The following WHRN variants were observed in gnomAD, a reference collection of about 807,000 sequenced individuals.
The protein encoded by WHRN is whirlin, also known as CASK-interacting protein CIP98.
A neutral mutation model predicts 68.3 loss-of-function variants in WHRN; 41 were observed. The observed-to-expected ratio is 0.60, with a 90% CI of 0.47 to 0.78. The LOEUF is 0.78. Among genes scored for constraint, WHRN ranks in the 30% least tolerant of loss-of-function variants. The probability of loss-of-function intolerance (pLI) is 0.00; values close to 1 mark genes in which losing one functional copy is unlikely to be tolerated. For missense variants in WHRN, 1,243 were observed against 1,244.7 expected (o/e 1.00, Z 0.02); for synonymous variants, 560 against 561.3 (o/e 1.00, Z 0.03).
At chr9:114,493,881 G>T (rs927039858) in intron 1 of WHRN, among the ~76,000 whole-genome samples, 1 of 152,218 alleles carries the variant, frequency 6.6e-6, no homozygotes, top group Admixed American at 6.5e-5. Flanking sequence ...ACTCAGGGAG[G>T]AAACGCACAT....
intron 3 of WHRN, among the ~76,000 whole-genome samples, chr9:114,438,363 C>T (rs1407945286): frequency 1.3e-5 from 2 of 151,978 alleles, no homozygotes; most frequent in South Asian, 2.1e-4. Flanking sequence ...TTACAGTGAC[C>T]GTCAGCTATG....
chr9:114,472,295 A>G (rs1446399500), intron 2 of WHRN, among the ~76,000 whole-genome samples: 1 of 152,184 alleles, frequency 6.6e-6, no homozygotes, highest in Non-Finnish European at 1.5e-5. Flanking sequence ...GAAAGTCCCC[A>G]GACTCGGCCT....
In WHRN at chr9:114,478,689, T is replaced by C; in HGVS notation, c.701A>G (p.Tyr234Cys). 3.7e-6 allele frequency: 6 copies of C among 1,613,080 alleles called. No individual in the cohort carries two copies. The highest frequency in any genetic ancestry group is 2.2e-5 in the South Asian group (2 of 91,014). ...GCGGCCCTGCGGGTCCACCCAGGTG[T>C]AGATGTGGTTGGTGACGTAGCCCCC... is the stretch of plus-strand genomic sequence containing the variant. Reference protein sequence around the residue: ...IPGGYVTNHIYTWVDPQGRSI... With the variant: ...IPGGYVTNHICTWVDPQGRSI... Residue 234 changes from tyrosine (Y) to cysteine (C), a missense_variant, in exon 2 of 12, where the codon TAC becomes TGC. Coordinates refer to ENST00000362057, the MANE Select transcript of WHRN (RefSeq NM_015404.4).
intron 7 of WHRN, among the ~76,000 whole-genome samples, chr9:114,413,516 C>G (rs1835602010): frequency 6.6e-6 from 1 of 152,132 alleles, no homozygotes; most frequent in Non-Finnish European, 1.5e-5. Context: ...GGGACAAGAC[C>G]CTGGAAGTGT....
chr9:114,484,204 GGGCTGCCCCTCCGAGGCCAC>G (rs1842311980), intron 1 of WHRN, among the ~76,000 whole-genome samples: 1 of 152,194 alleles, frequency 6.6e-6, no homozygotes, highest in African/African-American at 2.4e-5. Context: ...GAAGGCCAGA[GGGCTGCCCCTCCGAGGCCAC>G]GGCTGTGTCC....
In WHRN at chr9:114,492,837, T is replaced by TAC. The variant is rs993723893; in HGVS notation, c.618+11345_618+11346dup. 7.3e-5 allele frequency among the ~76,000 whole-genome samples: 11 copies of TAC among 150,454 alleles called. No homozygotes were observed. In the South Asian group the frequency reaches 1.1e-3, roughly 14 times the overall value. Reference sequence around the variant, plus strand: ...CCCACGTCTACAAAAGAAAAAAAAATACACACACACACACAAATATATATA... The same window carrying TAC: ...CCCACGTCTACAAAAGAAAAAAAAATACACACACACACACACAAATATATATA... On this transcript the variant is annotated intron_variant, in intron 1 of 11. Coordinates refer to ENST00000362057, the MANE Select transcript of WHRN (RefSeq NM_015404.4).
intron 3 of WHRN, among the ~76,000 whole-genome samples, chr9:114,443,030 T>G (rs1295426577): frequency 6.6e-6 from 1 of 152,230 alleles, no homozygotes; most frequent in African/African-American, 2.4e-5. Flanking sequence ...TTTCCACTTC[T>G]GTGCTTCATA....
intron 1 of WHRN, among the ~76,000 whole-genome samples, chr9:114,485,929 G>A (rs1281775903): frequency 6.6e-6 from 1 of 152,128 alleles, no homozygotes; most frequent in Non-Finnish European, 1.5e-5. Flanking sequence ...TGGGAGGTTT[G>A]CTTGAGCCCA....
At chr9:114,467,295 G>A (rs1278221682) in intron 2 of WHRN, among the ~76,000 whole-genome samples, 1 of 152,070 alleles carries the variant, frequency 6.6e-6, no homozygotes, top group Non-Finnish European at 1.5e-5. Flanking sequence ...GCTGGGGCTT[G>A]GAGATGAGAC....
At chr9:114,502,971 G>C (rs1243817525) in intron 1 of WHRN, 4 of 204,130 alleles carry the variant, frequency 2.0e-5, no homozygotes, top group African/African-American at 9.4e-5. Context: ...AGTATAAACC[G>C]ATCGGCCTTT....
At chr9:114,501,019 T>C (rs974737984) in intron 1 of WHRN, among the ~76,000 whole-genome samples, 1 of 152,138 alleles carries the variant, frequency 6.6e-6, no homozygotes, top group Non-Finnish European at 1.5e-5. Flanking sequence ...GTGTAGCACA[T>C]ACCAAGCAAA....
In WHRN at chr9:114,402,688, G is replaced by T; in HGVS notation, c.*66C>A. On this transcript the variant is annotated 3_prime_UTR_variant, in exon 12 of 12. Coordinates refer to ENST00000362057, the MANE Select transcript of WHRN (RefSeq NM_015404.4). Reference sequence around the variant, plus strand: ...CCAACCCCGCAAGGAGCTTGATGAAGCCAACGGTGGAAAGGGACTGGGACC... The same window carrying T: ...CCAACCCCGCAAGGAGCTTGATGAATCCAACGGTGGAAAGGGACTGGGACC... 3 of 1,601,070 alleles carry T rather than the reference G, an allele frequency of 1.9e-6. No homozygotes were observed. The South Asian group carries it at 3.3e-5, about 18-fold the overall frequency.
intron 6 of WHRN, 35 bp downstream of exon 6, chr9:114,424,299 T>G (rs777208260): frequency 4.2e-5 from 68 of 1,610,204 alleles, no homozygotes; most frequent in Admixed American, 1.3e-4. Context: ...GCCCTGGAAA[T>G]GCTGAAGCCA....
intron 3 of WHRN, among the ~76,000 whole-genome samples, chr9:114,453,645 T>C (rs1011953887): frequency 6.6e-6 from 1 of 152,142 alleles, no homozygotes; most frequent in Non-Finnish European, 1.5e-5. Context: ...ACAACTTGGA[T>C]GAATGGACCA....
At position 114,402,306 on chromosome 9, in the gene WHRN, T is replaced by C. The variant is rs1213906130; in HGVS notation, c.*448A>G. ...TGTGAATGGGGAGGTGCTCGATGCT[T>C]ATTTGTGGCACTAAAGGTCTTGCAA... On this transcript the variant is annotated 3_prime_UTR_variant, in exon 12 of 12. Coordinates refer to ENST00000362057, the MANE Select transcript of WHRN (RefSeq NM_015404.4). The C allele has an allele frequency of 4.6e-6, 1 of 215,574 alleles. No homozygotes were observed. Among genetic ancestry groups the C allele is most frequent in the African/African-American group, 2.3e-5 (1 of 43,974 alleles). 13.4% of individuals were successfully genotyped at this position (215,574 alleles called of 1,614,324 possible). A position where few individuals can be genotyped will look rare whatever the true frequency, so the allele number is the denominator to read the frequency against.
chr9:114,473,669 G>T (rs923950451), intron 2 of WHRN, among the ~76,000 whole-genome samples: 17 of 152,346 alleles, frequency 1.1e-4, no homozygotes, highest in African/African-American at 4.1e-4. Context: ...TCTGGATACT[G>T]GTTCATTGCC....
At chr9:114,474,729 T>C (rs1841509227) in intron 2 of WHRN, among the ~76,000 whole-genome samples, 1 of 152,216 alleles carries the variant, frequency 6.6e-6, no homozygotes, top group Non-Finnish European at 1.5e-5. Flanking sequence ...GTATCACATT[T>C]ATACCTCATA....
intron 3 of WHRN, among the ~76,000 whole-genome samples, chr9:114,454,685 A>AT (rs35467402): frequency 0.28 from 41,017 of 147,594 alleles, 5,642 homozygotes; most frequent in Admixed American, 0.35. Flanking sequence ...CCAGGAAGCT[A>AT]TATTTTTTTT....
Position 114,408,020 on chromosome 9 carries a change from T to C in WHRN, c.1627-2A>G. ...AGTTTCCTCCAGGTCCAGAGTGTTC[T>C]AGAAATGGACGAGAAAGCAAAGTGA... On this transcript the variant is annotated splice_acceptor_variant, in intron 7 of 11. Transcript: ENST00000362057. LOFTEE classifies it high-confidence loss of function. 1 of 1,597,280 alleles carries C rather than the reference T, an allele frequency of 6.3e-7. No homozygotes were observed. Among genetic ancestry groups the C allele is most frequent in the Non-Finnish European group, 8.5e-7 (1 of 1,170,778 alleles).
Sources: gnomAD v4.1 joint callset for allele counts (sites outside exome capture counted in the v4.1 genomes callset) on GRCh38, gnomAD v4.1.1 for gene constraint, MANE v1.5 for transcripts, NCBI Gene and HGNC (gene_info 2026-07-23, HGNC 2026-07-21) for gene names.